Variants in ARL15 observed in about 807,000 individuals in gnomAD.
ARL15 encodes the protein ARF like GTPase 15, also known as ADP-ribosylation factor-like protein 15.
A neutral mutation model predicts 25.2 loss-of-function variants in ARL15; 19 were observed. The observed-to-expected ratio is 0.75, with a 90% CI of 0.53 to 1.10. The LOEUF (loss-of-function observed/expected upper bound fraction) is 1.10. Among genes scored for constraint, ARL15 ranks in the 50% least tolerant of loss-of-function variants. The pLI is 0.00. For missense variants in ARL15, 220 were observed against 246.0 expected (o/e 0.89, Z 0.71); for synonymous variants, 94 against 86.8 (o/e 1.08, Z -0.46).
intron 1 of ARL15, among the ~76,000 whole-genome samples, chr5:54,187,108 C>T (rs562163113): frequency 5.3e-5 from 8 of 152,182 alleles, no homozygotes; most frequent in Admixed American, 4.6e-4. Context: ...TAAGGCAGCC[C>T]AAGGTAACAC....
At chr5:54,134,835 G>A (rs757503026) in intron 3 of ARL15, among the ~76,000 whole-genome samples, 19 of 151,812 alleles carry the variant, frequency 1.3e-4, no homozygotes, top group African/African-American at 3.1e-4. Context: ...TGCCCACCTC[G>A]GCCTCCCAAA....
intron 1 of ARL15, among the ~76,000 whole-genome samples, chr5:54,231,988 C>CAAGTGA (rs1235724409): frequency 6.6e-6 from 1 of 152,186 alleles, no homozygotes; most frequent in East Asian, 1.9e-4. Flanking sequence ...GACCACTTAG[C>CAAGTGA]AGTCTACGCT....
intron 1 of ARL15, among the ~76,000 whole-genome samples, chr5:54,295,814 T>C (rs896709157): frequency 3.9e-5 from 6 of 152,154 alleles, no homozygotes; most frequent in Non-Finnish European, 5.9e-5. Flanking sequence ...TCCTCTACCA[T>C]ACCCTGCCTC....
At chr5:54,288,519 C>G (rs1349793198) in intron 1 of ARL15, among the ~76,000 whole-genome samples, 1 of 152,172 alleles carries the variant, frequency 6.6e-6, no homozygotes, top group Non-Finnish European at 1.5e-5. Flanking sequence ...AATTCCAGTC[C>G]TAATTGATAC....
At chr5:53,988,917 A>T (rs1748390499) in intron 4 of ARL15, among the ~76,000 whole-genome samples, 2 of 152,178 alleles carry the variant, frequency 1.3e-5, no homozygotes, top group Admixed American at 1.3e-4. Flanking sequence ...TATTGAGCAT[A>T]TTTCAAGGTT....
chr5:54,184,750 A>G (rs1035461841), intron 1 of ARL15, among the ~76,000 whole-genome samples: 6 of 152,058 alleles, frequency 3.9e-5, no homozygotes, highest in Non-Finnish European at 1.5e-5. Flanking sequence ...CATATATTCT[A>G]CTAGTCACCA....
intron 1 of ARL15, among the ~76,000 whole-genome samples, chr5:54,303,103 T>G (rs765038159): frequency 1.3e-5 from 2 of 152,100 alleles, no homozygotes; most frequent in Non-Finnish European, 2.9e-5. Flanking sequence ...GTTAATACCA[T>G]CAGGAGATTT....
intron 4 of ARL15, among the ~76,000 whole-genome samples, chr5:54,068,196 A>G (rs1234947469): frequency 6.6e-6 from 1 of 152,242 alleles, no homozygotes; most frequent in African/African-American, 2.4e-5. Context: ...TTAACAGACT[A>G]TAGAGAAAAT....
intron 4 of ARL15, among the ~76,000 whole-genome samples, chr5:54,039,800 T>TAA (rs35030165): frequency 0.033 from 1,758 of 52,528 alleles, 140 homozygotes; most frequent in East Asian, 0.082. Context: ...AGACTCTGTC[T>TAA]AAAAAAAAAA....
At chr5:54,029,414 A>G (rs1025800173) in intron 4 of ARL15, among the ~76,000 whole-genome samples, 1 of 149,604 alleles carries the variant, frequency 6.7e-6, no homozygotes, top group Admixed American at 6.7e-5. Flanking sequence ...AAGACACAAT[A>G]CAGCTCTCAA....
intron 3 of ARL15, among the ~76,000 whole-genome samples, chr5:54,152,677 T>C (rs886314142): frequency 1.3e-5 from 2 of 152,246 alleles, no homozygotes; most frequent in East Asian, 3.8e-4. Context: ...CTCTGATCCC[T>C]GAGGCTCTGC....
chr5:54,104,024 C>T (rs879220223), intron 4 of ARL15, among the ~76,000 whole-genome samples: 1 of 152,136 alleles, frequency 6.6e-6, no homozygotes, highest in Non-Finnish European at 1.5e-5. Context: ...TGGTCAAAAC[C>T]TTTAATTACA....
chr5:54,237,401 C>T (rs1356927067), intron 1 of ARL15, among the ~76,000 whole-genome samples: 1 of 152,172 alleles, frequency 6.6e-6, no homozygotes, highest in African/African-American at 2.4e-5. Context: ...ACTAATACAA[C>T]TTCCCTATTG....
At chr5:54,277,617 T>C (rs1193604082) in intron 1 of ARL15, among the ~76,000 whole-genome samples, 2 of 151,996 alleles carry the variant, frequency 1.3e-5, no homozygotes, top group Non-Finnish European at 2.9e-5. Context: ...CCGGGCGTGG[T>C]GGCGGGCGCC....
chr5:54,019,664 T>C (rs1749533280), intron 4 of ARL15, among the ~76,000 whole-genome samples: 1 of 152,202 alleles, frequency 6.6e-6, no homozygotes, highest in Non-Finnish European at 1.5e-5. Context: ...AACTACATCC[T>C]AAATTTGAAA....
intron 4 of ARL15, among the ~76,000 whole-genome samples, chr5:53,979,416 G>C (rs1748045747): frequency 6.6e-6 from 1 of 152,044 alleles, no homozygotes; most frequent in Non-Finnish European, 1.5e-5. Context: ...GTATGTGCCT[G>C]TAGTCCCAGC....
chr5:54,217,616 T>C (rs1756246185), intron 1 of ARL15, among the ~76,000 whole-genome samples: 1 of 152,140 alleles, frequency 6.6e-6, no homozygotes, highest in South Asian at 2.1e-4. Context: ...AGTATTCCAT[T>C]TGCAAGGCAT....
Position 54,060,229 on chromosome 5 carries a change from T to C in ARL15, c.462+52973A>G, listed in dbSNP as rs1751022449. On this transcript the variant is annotated intron_variant, in intron 4 of 4. Transcript: ENST00000504924. ...GTGGGTGGATCATGAGGTCAGGAGT[T>C]CAAGACCAGCCTGGCCAACATGGTG... 2.0e-5 allele frequency among the ~76,000 whole-genome samples: 3 copies of C among 151,098 alleles called. No homozygotes were observed. In the South Asian group the frequency reaches 6.3e-4, roughly 32 times the overall value.
At chr5:54,269,324 A>T (rs1284331707) in intron 1 of ARL15, among the ~76,000 whole-genome samples, 1 of 152,134 alleles carries the variant, frequency 6.6e-6, no homozygotes, top group Non-Finnish European at 1.5e-5. Context: ...CCATATCCCC[A>T]GCAGAACTTC....
Sources: allele counts gnomAD v4.1 joint callset (sites outside exome capture counted in the v4.1 genomes callset), GRCh38; gene constraint gnomAD v4.1.1; transcripts MANE v1.5; gene names NCBI Gene and HGNC (gene_info 2026-07-23, HGNC 2026-07-21).